The following LYN variants were observed in gnomAD, a reference collection of about 807,000 sequenced individuals.
LYN encodes tyrosine-protein kinase Lyn.
A neutral mutation model predicts 65.0 loss-of-function variants in LYN; 12 were observed. That is an observed-to-expected ratio of 0.18 (90% CI 0.12 to 0.30). LYN has a LOEUF of 0.30. Ranked by LOEUF, LYN falls within the 10% of genes least tolerant of loss-of-function variation. LYN has a pLI of 1.00. For missense variants in LYN, 380 were observed against 623.2 expected, an observed-to-expected ratio of 0.61 and a Z score of 4.16; for synonymous variants, 222 against 221.2, an observed-to-expected ratio of 1.00 and a Z score of -0.03.
chr8:55,960,993 C>T (rs1193186516), intron 8 of LYN, among the ~76,000 whole-genome samples: 2 of 152,160 alleles, frequency 1.3e-5, no homozygotes, highest in East Asian at 3.8e-4. Context: ...GGCAGTGAGG[C>T]TAAGGACGAT....
intron 1 of LYN, among the ~76,000 whole-genome samples, chr8:55,894,429 G>A (rs569933966): frequency 4.0e-5 from 6 of 151,356 alleles, no homozygotes; most frequent in Non-Finnish European, 8.8e-5. Flanking sequence ...AAGTGCAGTG[G>A]CTCAATCTTG....
chr8:55,903,529 A>C (rs1414263148), intron 1 of LYN, among the ~76,000 whole-genome samples: 1 of 152,192 alleles, frequency 6.6e-6, no homozygotes, highest in Non-Finnish European at 1.5e-5. Flanking sequence ...TAGTTTGAAA[A>C]TTTGCTGCTT....
chr8:55,962,250 G>T (rs1442417684), intron 8 of LYN, among the ~76,000 whole-genome samples: 1 of 151,862 alleles, frequency 6.6e-6, no homozygotes, highest in Non-Finnish European at 1.5e-5. Context: ...TGTGGCTACG[G>T]TTCATTCATC....
intron 12 of LYN, among the ~76,000 whole-genome samples, chr8:56,004,678 C>G (rs888519854): frequency 3.9e-5 from 6 of 152,218 alleles, no homozygotes; most frequent in Non-Finnish European, 8.8e-5. Context: ...ATTCCTTATT[C>G]TAGCGTTTGC....
At chr8:55,966,085 A>C (rs551081723) in intron 8 of LYN, among the ~76,000 whole-genome samples, 1 of 152,236 alleles carries the variant, frequency 6.6e-6, no homozygotes, top group East Asian at 1.9e-4. Flanking sequence ...AGATCGTGCC[A>C]CTACACTCCA....
chr8:55,932,724 A>T (rs1281594104), intron 1 of LYN, among the ~76,000 whole-genome samples: 1 of 152,180 alleles, frequency 6.6e-6, no homozygotes, highest in East Asian at 1.9e-4. Flanking sequence ...CCAGGCCTAA[A>T]ACAATTATAT....
At chr8:55,908,506 A>C (rs1032171760) in intron 1 of LYN, among the ~76,000 whole-genome samples, 3 of 151,988 alleles carry the variant, frequency 2.0e-5, no homozygotes, top group Non-Finnish European at 2.9e-5. Context: ...CAGCCTCCCA[A>C]AGTGTTGGGA....
At chr8:55,975,606 A>G (rs1807730635) in intron 10 of LYN, among the ~76,000 whole-genome samples, 1 of 152,250 alleles carries the variant, frequency 6.6e-6, no homozygotes, top group East Asian at 1.9e-4. Flanking sequence ...CATGTTGGGC[A>G]CTTAAATGCT....
chr8:55,934,527 C>T (rs1362225557), intron 1 of LYN, among the ~76,000 whole-genome samples: 1 of 152,200 alleles, frequency 6.6e-6, no homozygotes, highest in East Asian at 1.9e-4. Context: ...GTTAAATGGA[C>T]ACCCACCGTG....
intron 8 of LYN, chr8:55,955,358 C>T (rs1482418570): frequency 6.6e-6 from 1 of 152,186 alleles, no homozygotes; most frequent in East Asian, 1.9e-4. Flanking sequence ...TCACATTCTC[C>T]GTGTGGATCG....
rs377153434 is a variant in LYN at position 55,941,947 on chromosome 8, A to T, written c.88A>T (p.Thr30Ser). ...KTQPVRNTER[T>S]IYVRDPTSNK... is the part of the protein sequence containing the mutation. ...TCAACCAGTACGTAATACTGAAAGA[A>T]CTATTTATGTGAGAGATCCAACGTC... Residue 30 changes from threonine (T) to serine (S), a missense_variant, in exon 2 of 13, where the codon ACT becomes TCT. Thr to Ser is a moderately conservative substitution (Grantham distance 58). Around this residue, in one of 2 missense-constraint regions of LYN, gnomAD observed 157 missense variants for 193.2 expected, o/e 0.81. Transcript: ENST00000519728. The T allele has an allele frequency of 6.2e-7, 1 of 1,613,534 alleles. No individual in the cohort carries two copies. Among genetic ancestry groups the T allele is most frequent in the Non-Finnish European group, 8.5e-7 (1 of 1,179,644 alleles).
chr8:55,940,129 C>T (rs1806565805), intron 1 of LYN: 1 of 152,208 alleles, frequency 6.6e-6, no homozygotes, highest in African/African-American at 2.4e-5. Context: ...AGTACAATTC[C>T]TCCCCCACGA....
chr8:56,000,403 A>G lies in LYN; in HGVS notation c.1336+854A>G, dbSNP rs531786391. On this transcript the variant is annotated intron_variant, in intron 12 of 12. Coordinates refer to ENST00000519728, the MANE Select transcript of LYN (RefSeq NM_002350.4). ...AGAGCCAGATTCTGACCATCCCTCC[A>G]TTTTTCCATGGTCTGTGCTGGCATG... is the stretch of plus-strand genomic sequence containing the variant. 4.6e-5 allele frequency among the ~76,000 whole-genome samples: 7 copies of G among 151,752 alleles called. No individual in the cohort carries two copies. The South Asian group carries it at 1.5e-3, about 32-fold the overall frequency.
chr8:55,933,152 T>C (rs534958752), intron 1 of LYN, among the ~76,000 whole-genome samples: 2 of 152,282 alleles, frequency 1.3e-5, no homozygotes, highest in African/African-American at 2.4e-5. Context: ...TACTATACTC[T>C]TAAGCTATGA....
chr8:55,913,956 T>G (rs1805713418), intron 1 of LYN, among the ~76,000 whole-genome samples: 1 of 152,070 alleles, frequency 6.6e-6, no homozygotes, highest in Admixed American at 6.6e-5. Flanking sequence ...AGACAGGTTA[T>G]TGTGGAGGAG....
Position 55,989,305 on chromosome 8 carries a change from G to C in LYN, c.1051-9041G>C, listed in dbSNP as rs1201861728. The stretch of plus-strand genomic sequence containing the variant: ...AGGGGCATTATTTGAGCTCTGCTTG[G>C]ATTTGTAAAACATAATTGAGATTGT... On this transcript the variant is annotated intron_variant, in intron 10 of 12. Transcript: ENST00000519728. 2.0e-5 allele frequency among the ~76,000 whole-genome samples: 3 copies of C among 152,192 alleles called. No homozygotes were observed. The East Asian group carries it at 5.8e-4, about 29-fold the overall frequency.
chr8:55,938,559 G>A (rs891493175), intron 1 of LYN, among the ~76,000 whole-genome samples: 3 of 152,214 alleles, frequency 2.0e-5, no homozygotes, highest in African/African-American at 7.2e-5. Context: ...GTGCAGGTCA[G>A]TTACAGCAGA....
rs546599670 is a variant in LYN, at chr8:56,013,270, C to CT, written c.*3176dup. On this transcript the variant is annotated 3_prime_UTR_variant, in exon 13 of 13. Coordinates refer to ENST00000519728, the MANE Select transcript of LYN (RefSeq NM_002350.4). The stretch of plus-strand genomic sequence containing the variant: ...TGTGGAGTCTGCTTTCTCGCTCTCT[C>CT]TTTTTTTTTTTTTTTTGACAGAGTC... 1,466 of 104,808 alleles carry CT rather than the reference C, an allele frequency of 0.014. 24 individuals carry two copies. The highest frequency in any genetic ancestry group is 0.029 in the East Asian group (141 of 4,882). 6.5% of individuals were successfully genotyped at this position (104,808 alleles called of 1,614,324 possible).
At chr8:55,962,712 A>G (rs938616071) in intron 8 of LYN, among the ~76,000 whole-genome samples, 1 of 152,194 alleles carries the variant, frequency 6.6e-6, no homozygotes, top group Non-Finnish European at 1.5e-5. Flanking sequence ...TTTACTGATG[A>G]AATTGGAGTT....
Sources: allele counts gnomAD v4.1 joint callset (sites outside exome capture counted in the v4.1 genomes callset), GRCh38; gene constraint gnomAD v4.1.1; regional missense constraint gnomAD v4.1.1; transcripts MANE v1.5; gene names NCBI Gene and HGNC (gene_info 2026-07-23, HGNC 2026-07-21).